TTC17: variants seen among roughly 807,000 people sequenced by gnomAD.
TTC17 encodes the protein tetratricopeptide repeat protein 17.
TTC17 carries 58 observed loss-of-function variants against 143.8 expected under a neutral mutation model. The ratio of observed to expected loss-of-function variants is 0.40; its 90% confidence interval spans 0.33 to 0.50. The LOEUF is 0.50. TTC17 is among the 20% of genes least tolerant of loss of function. TTC17 has a pLI of 0.49. For missense variants in TTC17, 1,273 were observed against 1,392.5 expected, an observed-to-expected ratio of 0.91 and a Z score of 1.37; for synonymous variants, 501 against 497.8, an observed-to-expected ratio of 1.01 and a Z score of -0.09.
At chr11:43,399,326 A>T (rs1354437403) in intron 8 of TTC17, among the ~76,000 whole-genome samples, 1 of 152,126 alleles carries the variant, frequency 6.6e-6, no homozygotes, top group Non-Finnish European at 1.5e-5. Context: ...ATCGTCATGT[A>T]TTTTTTTATG....
chr11:43,372,532 C>T (rs964534257), intron 1 of TTC17, among the ~76,000 whole-genome samples: 2 of 145,236 alleles, frequency 1.4e-5, no homozygotes, highest in Non-Finnish European at 3.1e-5. Flanking sequence ...GACAGAGTTT[C>T]ACTCTTACTG....
At chr11:43,484,779 G>T (rs1462160859) in intron 21 of TTC17, among the ~76,000 whole-genome samples, 1 of 152,118 alleles carries the variant, frequency 6.6e-6, no homozygotes, top group East Asian at 1.9e-4. Flanking sequence ...GAATACAGGG[G>T]TCCAACTCCC....
rs116969331 is a variant in TTC17 at position 43,407,608 on chromosome 11, A to G, written c.2064+31A>G. ...GTTTTAAGGGATTTCATAGTTCCGT[A>G]TACTATGTAGGGTAACTCAAATTTA... On this transcript the variant is annotated intron_variant, in intron 15 of 23. Transcript: ENST00000039989. 583 of 1,579,046 alleles carry G rather than the reference A, an allele frequency of 3.7e-4. 4 individuals carry two copies. Among genetic ancestry groups the G allele is most frequent in the Non-Finnish European group, 2.1e-4 (243 of 1,149,818 alleles).
At chr11:43,367,666 C>T (rs772667545) in intron 1 of TTC17, among the ~76,000 whole-genome samples, 2 of 151,878 alleles carry the variant, frequency 1.3e-5, no homozygotes, top group Admixed American at 6.6e-5. Context: ...CTAAAACCTG[C>T]GTCTCAGCTG....
At chr11:43,399,813 A>C (rs1014193578) in intron 8 of TTC17, 75 bp from the exon 9 acceptor site, 3 of 1,455,136 alleles carry the variant, frequency 2.1e-6, no homozygotes. Flanking sequence ...AACCAGAAAA[A>C]TCTGTGCATT....
At chr11:43,409,617 T>C (rs904125636) in intron 15 of TTC17, among the ~76,000 whole-genome samples, 1 of 152,196 alleles carries the variant, frequency 6.6e-6, no homozygotes, top group Non-Finnish European at 1.5e-5. Context: ...GAGGAAACTC[T>C]TAAGAGTTAA....
chr11:43,442,601 A>G (rs1947447300), intron 16 of TTC17, among the ~76,000 whole-genome samples: 2 of 152,290 alleles, frequency 1.3e-5, no homozygotes, highest in South Asian at 2.1e-4. Context: ...CTTCCTTGTT[A>G]TTCAAGCTTA....
At chr11:43,485,282 A>G (rs1490775810) in intron 21 of TTC17, among the ~76,000 whole-genome samples, 1 of 152,152 alleles carries the variant, frequency 6.6e-6, no homozygotes, top group Non-Finnish European at 1.5e-5. Context: ...AAGAGAAGGG[A>G]CTATTCAGGA....
chr11:43,426,803 G>T (rs968170267), intron 16 of TTC17, among the ~76,000 whole-genome samples: 2 of 152,106 alleles, frequency 1.3e-5, no homozygotes. Flanking sequence ...AGACAAAATA[G>T]CCTTTATAAC....
chr11:43,457,697 G>T (rs1193709175), intron 21 of TTC17, among the ~76,000 whole-genome samples: 1 of 151,902 alleles, frequency 6.6e-6, no homozygotes, highest in Non-Finnish European at 1.5e-5. Flanking sequence ...TCATTGAATG[G>T]GTTTAATAAC....
chr11:43,382,900 T>C (rs1001897992), intron 2 of TTC17, among the ~76,000 whole-genome samples: 2 of 148,142 alleles, frequency 1.4e-5, no homozygotes, highest in African/African-American at 2.7e-5. Context: ...TTTTCTTTTT[T>C]TTCTTTTTCT....
intron 21 of TTC17, among the ~76,000 whole-genome samples, chr11:43,456,440 A>G (rs1296382108): frequency 6.6e-6 from 1 of 152,258 alleles, no homozygotes; most frequent in Non-Finnish European, 1.5e-5. Context: ...ACAAGAATTT[A>G]GTCAAATAAC....
intron 6 of TTC17, 93 bp downstream of exon 6, chr11:43,396,911 A>C: frequency 1.6e-6 from 1 of 608,062 alleles, no homozygotes; most frequent in Non-Finnish European, 2.7e-6. Flanking sequence ...GCAACATTGC[A>C]TTATATACTT....
Position 43,435,274 on chromosome 11 carries a change from G to A in TTC17, c.2252-8051G>A, listed in dbSNP as rs1407002800. On this transcript the variant is annotated intron_variant, in intron 16 of 23. Coordinates refer to ENST00000039989, the MANE Select transcript of TTC17 (RefSeq NM_018259.6). The stretch of plus-strand genomic sequence containing the variant: ...AAAGTTGTGATTCTCCAATGAAAAT[G>A]CATTTTCATTGACAATGTCCATGGA... 4 of 152,154 alleles carry A rather than the reference G, an allele frequency of 2.6e-5. No homozygotes were observed. The East Asian group carries it at 7.7e-4, about 29-fold the overall frequency. 9.4% of individuals were successfully genotyped at this position (152,154 alleles called of 1,614,324 possible). A position where few individuals can be genotyped will look rare whatever the true frequency, so the allele number is the denominator to read the frequency against.
chr11:43,392,725 T>G (rs1241381438), intron 5 of TTC17, among the ~76,000 whole-genome samples: 1 of 152,208 alleles, frequency 6.6e-6, no homozygotes, highest in African/African-American at 2.4e-5. Context: ...ACTTTTACAT[T>G]CCCAGAACTT....
chr11:43,474,924 C>T (rs778189519), intron 21 of TTC17, among the ~76,000 whole-genome samples: 3 of 152,238 alleles, frequency 2.0e-5, no homozygotes, highest in Middle Eastern at 3.4e-3. Context: ...GGTCTTCATT[C>T]TCACCATCTT....
intron 16 of TTC17, among the ~76,000 whole-genome samples, chr11:43,423,504 C>A (rs1946955943): frequency 6.6e-6 from 1 of 151,950 alleles, no homozygotes; most frequent in East Asian, 1.9e-4. Context: ...AGAGCAGGGT[C>A]ATGAAGTTTA....
chr11:43,401,989 A>AAATG (rs1857879467), intron 10 of TTC17, among the ~76,000 whole-genome samples: 1 of 79,702 alleles, frequency 1.3e-5, no homozygotes, highest in Admixed American at 1.5e-4. Flanking sequence ...AAAAATAAAT[A>AAATG]AATAAATAAA....
At chr11:43,359,150 C>G (rs748202851) in intron 1 of TTC17, 37 bp downstream of exon 1, 1 of 1,538,878 alleles carries the variant, frequency 6.5e-7, no homozygotes, top group South Asian at 1.2e-5. Flanking sequence ...CCGTGCCCGC[C>G]CTCGCCCCGG....
Sources: allele counts gnomAD v4.1 joint callset (sites outside exome capture counted in the v4.1 genomes callset), GRCh38; gene constraint gnomAD v4.1.1; transcripts MANE v1.5; gene names NCBI Gene and HGNC (gene_info 2026-07-23, HGNC 2026-07-21).